Variants in INSL6 observed in about 807,000 individuals in gnomAD.
The protein encoded by INSL6 is insulin-like peptide INSL6.
In INSL6, 16 loss-of-function variants were observed where a neutral mutation model predicts 9.4. The observed-to-expected ratio is 1.70, with a 90% CI of 1.15 to 2.59. The LOEUF is 2.59. Ranked by LOEUF, INSL6 falls within the 30% of genes most tolerant of loss-of-function variation. The probability of loss-of-function intolerance (pLI) is 0.00; values close to 1 mark genes in which losing one functional copy is unlikely to be tolerated. For missense variants in INSL6, 391 were observed against 257.3 expected, an observed-to-expected ratio of 1.52 and a Z score of -3.56; for synonymous variants, 154 against 96.9, an observed-to-expected ratio of 1.59 and a Z score of -3.46.
chr9:5,116,150 C>G, the INSL6 span, among the ~76,000 whole-genome samples: 6 of 151,904 alleles, frequency 3.9e-5, no homozygotes, highest in Non-Finnish European at 8.8e-5. Context: ...TCATAACAAC[C>G]CTTGGAGAAC....
chr9:5,115,387 C>T, the INSL6 span, among the ~76,000 whole-genome samples: 4 of 152,030 alleles, frequency 2.6e-5, no homozygotes, highest in African/African-American at 9.7e-5. Context: ...GTTAGAATGG[C>T]GATCATTAAA....
intron 2 of INSL6, among the ~76,000 whole-genome samples, chr9:5,136,684 G>A (rs1032266849): frequency 1.3e-5 from 2 of 152,098 alleles, no homozygotes; most frequent in African/African-American, 4.8e-5. Flanking sequence ...GGCAAAAACT[G>A]GAAGCATTCC....
the INSL6 span, among the ~76,000 whole-genome samples, chr9:5,116,859 A>C: frequency 6.6e-6 from 1 of 152,252 alleles, no homozygotes; most frequent in Non-Finnish European, 1.5e-5. Flanking sequence ...TGGCACTTTC[A>C]ATAATTAAGT....
At chr9:5,127,935 A>G in intron 3 of INSL6, 1 of 232,490 alleles carries the variant, frequency 4.3e-6, no homozygotes, top group East Asian at 6.0e-5. Context: ...GAATGCCAGT[A>G]GAAAATTCAT....
chr9:5,044,438 A>G, the INSL6 span: 2 of 1,613,310 alleles, frequency 1.2e-6, no homozygotes, highest in Middle Eastern at 3.3e-4. Flanking sequence ...AGTGGCAGCA[A>G]CAGAGCCTAT....
At chr9:5,011,205 A>G in the INSL6 span, among the ~76,000 whole-genome samples, 1 of 151,598 alleles carries the variant, frequency 6.6e-6, no homozygotes, top group Non-Finnish European at 1.5e-5. Flanking sequence ...CCTCTGTTCC[A>G]CTTATATGTA....
the INSL6 span, among the ~76,000 whole-genome samples, chr9:5,083,978 G>A: frequency 6.6e-6 from 1 of 151,724 alleles, no homozygotes; most frequent in African/African-American, 2.4e-5. Context: ...ATATTCTTTT[G>A]AGACATAATT....
chr9:5,047,236 G>A, the INSL6 span, among the ~76,000 whole-genome samples: 1 of 152,098 alleles, frequency 6.6e-6, no homozygotes, highest in Non-Finnish European at 1.5e-5. Flanking sequence ...TAGCAAATGT[G>A]ACCAGTGGCA....
At chr9:5,168,277 C>T (rs1825099619) in intron 1 of INSL6, among the ~76,000 whole-genome samples, 2 of 152,084 alleles carry the variant, frequency 1.3e-5, no homozygotes, top group Non-Finnish European at 2.9e-5. Context: ...ACAAACATCC[C>T]TGAGCTAAAG....
At chr9:5,162,736 G>T (rs1824953427), downstream of INSL6, among the ~76,000 whole-genome samples, 1 of 152,176 alleles carries the variant, frequency 6.6e-6, no homozygotes, top group South Asian at 2.1e-4. Flanking sequence ...TTAATGCAAA[G>T]TATGTATGAC....
intron 1 of INSL6, among the ~76,000 whole-genome samples, chr9:5,172,921 C>T (rs1456286817): frequency 2.7e-5 from 4 of 150,938 alleles, no homozygotes; most frequent in Non-Finnish European, 4.4e-5. Flanking sequence ...AAGCAAGACT[C>T]CACCTCAAAA....
chr9:5,174,329 T>C (rs531397801), intron 1 of INSL6, among the ~76,000 whole-genome samples: 133 of 152,314 alleles, frequency 8.7e-4, no homozygotes, highest in African/African-American at 3.0e-3. Flanking sequence ...TCTCACTGTC[T>C]TAAACCCACT....
the INSL6 span, among the ~76,000 whole-genome samples, chr9:5,011,225 G>A: frequency 2.0e-5 from 3 of 147,894 alleles, no homozygotes; most frequent in Non-Finnish European, 4.4e-5. Context: ...ATCAGACTTT[G>A]TTACTCTTGT....
At chr9:5,149,250 C>T (rs75035022) in intron 2 of INSL6, among the ~76,000 whole-genome samples, 2,026 of 152,324 alleles carry the variant, frequency 0.013, 16 homozygotes, top group Non-Finnish European at 0.021. Context: ...GCACCCCAAA[C>T]GGGATTCCCA....
chr9:5,008,446 A>T, the INSL6 span, among the ~76,000 whole-genome samples: 1 of 152,194 alleles, frequency 6.6e-6, no homozygotes, highest in African/African-American at 2.4e-5. Context: ...ACTTTTGGTG[A>T]TTGAGGAGGA....
the INSL6 span, among the ~76,000 whole-genome samples, chr9:5,059,378 G>T: frequency 1.3e-5 from 2 of 152,084 alleles, no homozygotes; most frequent in African/African-American, 4.8e-5. Flanking sequence ...ATTCATTTAT[G>T]TTGTTACATG....
chr9:5,004,196 T>C, the INSL6 span, among the ~76,000 whole-genome samples: 1 of 152,176 alleles, frequency 6.6e-6, no homozygotes, highest in Non-Finnish European at 1.5e-5. Context: ...TTGTTATTGG[T>C]AATCACCATG....
chr9:5,085,499 C>T, the INSL6 span: 10 of 719,024 alleles, frequency 1.4e-5, no homozygotes, highest in South Asian at 1.4e-4. Flanking sequence ...TCTTTTGACC[C>T]GAGCTGAAGA....
chr9:5,112,608 G>A, the INSL6 span: 121 of 831,486 alleles, frequency 1.5e-4, no homozygotes, highest in Non-Finnish European at 2.1e-4. Flanking sequence ...GAGCTGGGGC[G>A]CATGTGGCAA....
Sources: gnomAD v4.1 joint callset for allele counts (sites outside exome capture counted in the v4.1 genomes callset) on GRCh38, gnomAD v4.1.1 for gene constraint, MANE v1.5 for transcripts, NCBI Gene and HGNC (gene_info 2026-07-23, HGNC 2026-07-21) for gene names.